The following EPB42 variants were observed in gnomAD, a reference collection of about 807,000 sequenced individuals.
EPB42 encodes erythrocyte membrane protein band 4.2.
EPB42 carries 49 observed loss-of-function variants against 76.9 expected under a neutral mutation model. The observed-to-expected ratio is 0.64, with a 90% CI of 0.51 to 0.81. The LOEUF (loss-of-function observed/expected upper bound fraction) is 0.81, where lower values mean the gene tolerates loss of function less well. EPB42 is among the 30% of genes least tolerant of loss of function. The pLI is 0.00. For synonymous variants in EPB42, 310 were observed against 338.4 expected, an observed-to-expected ratio of 0.92 and a Z score of 0.92; for missense variants, 731 against 867.6, an observed-to-expected ratio of 0.84 and a Z score of 1.98.
intron 11 of EPB42, among the ~76,000 whole-genome samples, chr15:43,202,225 C>G (rs1186633326): frequency 2.0e-5 from 3 of 152,184 alleles, no homozygotes; most frequent in Non-Finnish European, 4.4e-5. Flanking sequence ...TTCCCACTGT[C>G]TTGGGAATTC....
intron 3 of EPB42, among the ~76,000 whole-genome samples, chr15:43,214,704 C>T (rs936360279): frequency 6.6e-6 from 1 of 152,144 alleles, no homozygotes; most frequent in African/African-American, 2.4e-5. Context: ...GAGAGAAGCC[C>T]ATCCTCAGGC....
chr15:43,211,660 T>C, intron 3 of EPB42, 126 bp from the exon 4 acceptor site: 1 of 754,270 alleles, frequency 1.3e-6, no homozygotes, highest in South Asian at 1.4e-5. Context: ...CTGGGCCTAA[T>C]GAAGACTGAG....
chr15:43,208,049 C>A (rs1255589384), intron 8 of EPB42, among the ~76,000 whole-genome samples, 181 bp downstream of exon 8: 1 of 152,236 alleles, frequency 6.6e-6, no homozygotes, highest in Non-Finnish European at 1.5e-5. Flanking sequence ...TAGCAGGCAC[C>A]TCTATTCCCA....
chr15:43,199,507 AGCTTGCTTTTGATTTTACAG>A (rs1379636663), intron 12 of EPB42, among the ~76,000 whole-genome samples: 3 of 152,060 alleles, frequency 2.0e-5, no homozygotes, highest in Non-Finnish European at 4.4e-5. Context: ...GGAAGTAACT[AGCTTGCTTTTGATTTTACAG>A]GCTCATAGGC....
intron 3 of EPB42, among the ~76,000 whole-genome samples, chr15:43,214,200 GAC>G (rs1323710528): frequency 6.6e-6 from 1 of 152,232 alleles, no homozygotes; most frequent in South Asian, 2.1e-4. Flanking sequence ...AGCAAAGACA[GAC>G]ACAATCTTCA....
chr15:43,216,143 G>C, intron 2 of EPB42, 125 bp downstream of exon 2: 1 of 1,194,956 alleles, frequency 8.4e-7, no homozygotes, highest in Non-Finnish European at 1.2e-6. Flanking sequence ...TGCCAGGTGG[G>C]CAGGACTTCT....
At chr15:43,218,853 A>G (rs920489362) in intron 1 of EPB42, among the ~76,000 whole-genome samples, 1 of 151,934 alleles carries the variant, frequency 6.6e-6, no homozygotes, top group Admixed American at 6.5e-5. Context: ...CTTCTCTCCC[A>G]CTGGGTCTTG....
chr15:43,209,309 C>T lies in EPB42; in HGVS notation c.797G>A (p.Gly266Asp), dbSNP rs2042255202. The T allele has an allele frequency of 6.2e-7, 1 of 1,614,170 alleles. No individual in the cohort carries two copies. Among genetic ancestry groups the T allele is most frequent in the Non-Finnish European group, 8.5e-7 (1 of 1,180,038 alleles). ...AACAGCAGCCAACACCCAGGCCTGGCCATCATACACAGGTCGGCCTCGGCC... is the reference window on the plus strand; with the variant it reads ...AACAGCAGCCAACACCCAGGCCTGGTCATCATACACAGGTCGGCCTCGGCC... ...LTGRGRPVYD[G>D]QAWVLAAVAC... The change falls in exon 6 of 13, where the codon GGC becomes GAC. Residue 266 changes from glycine to aspartate, a missense_variant. Gly to Asp is a moderately conservative substitution (Grantham distance 94, BLOSUM62 -1). Coordinates refer to ENST00000441366, the MANE Select transcript of EPB42 (RefSeq NM_001114134.2).
chr15:43,208,523 G>A lies in EPB42; in HGVS notation c.971+114C>T, dbSNP rs113437154. ...CATCAGCGCCGCCTCTAAGGGTCTT[G>A]AAAGCCTACTCTCCATGCCAGGGCC... On this transcript the variant is annotated intron_variant, in intron 7 of 12. Coordinates refer to ENST00000441366, the MANE Select transcript of EPB42 (RefSeq NM_001114134.2). 3.3e-3 allele frequency: 5,102 copies of A among 1,553,844 alleles called. 127 individuals are homozygous for A. The African/African-American group carries it at 0.061, about 19-fold the overall frequency.
intron 1 of EPB42, 108 bp from the exon 2 acceptor site, chr15:43,216,561 T>A: frequency 7.8e-7 from 1 of 1,277,672 alleles, no homozygotes; most frequent in East Asian, 2.4e-5. Flanking sequence ...TCGGCTCCAC[T>A]TACGTTTTAG....
chr15:43,207,753 A>C (rs2042227477), intron 8 of EPB42, among the ~76,000 whole-genome samples: 1 of 152,224 alleles, frequency 6.6e-6, no homozygotes, highest in Admixed American at 6.5e-5. Flanking sequence ...ATATGACAGG[A>C]ATAGGGCTAC....
At position 43,208,264 on chromosome 15, in the gene EPB42, C is replaced by G. The variant is rs574359460; in HGVS notation, c.1041G>C (p.Gln347His). 1.2e-6 allele frequency: 2 copies of G among 1,614,176 alleles called. No individual in the cohort carries two copies. Among genetic ancestry groups the G allele is most frequent in the Non-Finnish European group, 1.7e-6 (2 of 1,180,002 alleles). ...CATTAGGAGCACTTGGGTGCAGAAT[C>G]TGCCATCCATCATAACCCTGGGGCA... is the stretch of plus-strand genomic sequence containing the variant. The part of the protein sequence containing the change: ...PALPQGYDGW[Q>H]ILHPSAPNGG... The change falls in exon 8 of 13, where the codon CAG becomes CAC. Residue 347 changes from glutamine to histidine, a missense_variant. By Grantham distance (24) the Gln-to-His change is conservative. Coordinates refer to ENST00000441366, the MANE Select transcript of EPB42 (RefSeq NM_001114134.2).
rs1164501988 is a variant in EPB42, at chr15:43,211,401, A to G, written c.549+15T>C. On this transcript the variant is annotated intron_variant, in intron 4 of 12. Coordinates refer to ENST00000441366, the MANE Select transcript of EPB42 (RefSeq NM_001114134.2). ...CAGTCACTCTACACACTCCTCCCCT[A>G]GAGGGCCCTGGTACCTGGCCAAAGT... The G allele has an allele frequency of 6.6e-7, 1 of 1,508,856 alleles. No homozygotes were observed. Among genetic ancestry groups the G allele is most frequent in the South Asian group, 1.1e-5 (1 of 89,004 alleles). 93.5% of individuals were successfully genotyped at this position (1,508,856 alleles called of 1,614,324 possible). A position where few individuals can be genotyped will look rare whatever the true frequency, so the allele number is the denominator to read the frequency against.
chr15:43,219,133 GC>G (rs1189330715), intron 1 of EPB42, among the ~76,000 whole-genome samples: 1 of 152,122 alleles, frequency 6.6e-6, no homozygotes, highest in Non-Finnish European at 1.5e-5. Flanking sequence ...TGTAAACTAC[GC>G]CCCCTGTGGC....
At chr15:43,222,006 G>A (rs145749671), upstream of EPB42, among the ~76,000 whole-genome samples, 7,186 of 151,856 alleles carry the variant, frequency 0.047, 568 homozygotes, top group African/African-American at 0.16. Flanking sequence ...AGCTGGGCGT[G>A]GTGGCAGGCG....
At chr15:43,208,207 C>A (rs2042235023) in intron 8 of EPB42, 23 bp downstream of exon 8, 2 of 1,609,902 alleles carry the variant, frequency 1.2e-6, no homozygotes, top group Non-Finnish European at 8.5e-7. Context: ...CTGCGTGGTC[C>A]TGGACCCACC....
chr15:43,202,863 C>T (rs190535274), intron 11 of EPB42, among the ~76,000 whole-genome samples: 6 of 152,214 alleles, frequency 3.9e-5, no homozygotes, highest in African/African-American at 1.4e-4. Context: ...TATTATGATC[C>T]CTGTAGGTAG....
intron 1 of EPB42, among the ~76,000 whole-genome samples, chr15:43,217,859 T>C (rs2042401087): frequency 1.3e-5 from 2 of 152,060 alleles, no homozygotes; most frequent in Middle Eastern, 3.2e-3. Flanking sequence ...AGCTGAAGAG[T>C]AGAGGGGAAG....
chr15:43,211,899 C>T (rs1278555903), intron 3 of EPB42, among the ~76,000 whole-genome samples: 1 of 151,332 alleles, frequency 6.6e-6, no homozygotes, highest in African/African-American at 2.4e-5. Flanking sequence ...GACTCTGTCT[C>T]TACAAAAAAT....
Sources: allele counts gnomAD v4.1 joint callset (sites outside exome capture counted in the v4.1 genomes callset), GRCh38; gene constraint gnomAD v4.1.1; transcripts MANE v1.5; gene names NCBI Gene and HGNC (gene_info 2026-07-23, HGNC 2026-07-21).